KCNN3: variants seen among roughly 807,000 people sequenced by gnomAD.
The protein encoded by KCNN3 is small conductance calcium-activated potassium channel protein 3.
KCNN3 carries 16 observed loss-of-function variants against 62.9 expected under a neutral mutation model. The observed-to-expected ratio is 0.25, with a 90% CI of 0.17 to 0.39. The LOEUF (loss-of-function observed/expected upper bound fraction) is 0.39. Ranked by LOEUF, KCNN3 falls within the 10% of genes least tolerant of loss-of-function variation. KCNN3 has a pLI of 1.00. For missense variants in KCNN3, 599 were observed against 949.4 expected, an observed-to-expected ratio of 0.63 and a Z score of 4.85; for synonymous variants, 370 against 389.2, an observed-to-expected ratio of 0.95 and a Z score of 0.58.
At chr1:154,847,159 G>A (rs1436917138) in intron 1 of KCNN3, among the ~76,000 whole-genome samples, 8 of 151,870 alleles carry the variant, frequency 5.3e-5, no homozygotes, top group Non-Finnish European at 1.0e-4. Context: ...TGCCAGGCAC[G>A]TGCTGCTGCT....
intron 2 of KCNN3, among the ~76,000 whole-genome samples, chr1:154,800,997 A>G (rs942811155): frequency 1.3e-5 from 2 of 152,180 alleles, no homozygotes; most frequent in Non-Finnish European, 2.9e-5. Context: ...GTGAGCCAAG[A>G]TGGTGCCACT....
chr1:154,775,565 G>A (rs1349913249), intron 2 of KCNN3, among the ~76,000 whole-genome samples: 2 of 136,652 alleles, frequency 1.5e-5, no homozygotes, highest in Non-Finnish European at 1.5e-5. Context: ...TGAGCAGCCA[G>A]CCCCCCACCC....
At chr1:154,777,123 C>CA (rs1648823195) in intron 2 of KCNN3, among the ~76,000 whole-genome samples, 1 of 152,196 alleles carries the variant, frequency 6.6e-6, no homozygotes, top group South Asian at 2.1e-4. Flanking sequence ...CTCTTGGGCT[C>CA]AGCGTCCTCC....
chr1:154,780,157 G>A (rs555889422), intron 2 of KCNN3, among the ~76,000 whole-genome samples: 2 of 150,902 alleles, frequency 1.3e-5, no homozygotes, highest in South Asian at 2.1e-4. Context: ...CTGCAAAGGG[G>A]TAGGCATGCA....
chr1:154,867,022 G>A (rs1652983348), intron 1 of KCNN3, among the ~76,000 whole-genome samples: 1 of 152,182 alleles, frequency 6.6e-6, no homozygotes, highest in Admixed American at 6.5e-5. Context: ...GGGAATAGCC[G>A]TTTCCTTAAG....
intron 3 of KCNN3, among the ~76,000 whole-genome samples, chr1:154,767,637 G>A (rs1184047308): frequency 1.3e-5 from 2 of 152,218 alleles, no homozygotes; most frequent in Admixed American, 1.3e-4. Flanking sequence ...AAGCTGCTTG[G>A]CACTTGACAG....
chr1:154,825,465 A>T (rs1414054491), intron 1 of KCNN3, among the ~76,000 whole-genome samples: 1 of 146,296 alleles, frequency 6.8e-6, no homozygotes, highest in Non-Finnish European at 1.5e-5. Context: ...TGCCGGGTTC[A>T]TGCCATTCTC....
chr1:154,815,872 C>T (rs1650642931), intron 2 of KCNN3, among the ~76,000 whole-genome samples: 1 of 152,162 alleles, frequency 6.6e-6, no homozygotes, highest in African/African-American at 2.4e-5. Context: ...GGGGAAGACA[C>T]CACTAACTCA....
At chr1:154,724,870 T>G (rs1700427587) in intron 5 of KCNN3, among the ~76,000 whole-genome samples, 1 of 151,964 alleles carries the variant, frequency 6.6e-6, no homozygotes. Flanking sequence ...TTTTTTTTTT[T>G]TTTTGAGATG....
intron 1 of KCNN3, 112 bp downstream of exon 1, chr1:154,868,919 TC>T: frequency 1.9e-6 from 2 of 1,057,164 alleles, no homozygotes. Flanking sequence ...TCTCTCTCTC[TC>T]TCTCTCTCTC....
chr1:154,708,850 G>A (rs983398176), intron 7 of KCNN3, among the ~76,000 whole-genome samples: 1 of 152,202 alleles, frequency 6.6e-6, no homozygotes, highest in Non-Finnish European at 1.5e-5. Flanking sequence ...CAGACAGGAT[G>A]TAAAGTGAAT....
intron 2 of KCNN3, among the ~76,000 whole-genome samples, chr1:154,782,988 G>C (rs947523748): frequency 6.6e-6 from 1 of 152,156 alleles, no homozygotes; most frequent in African/African-American, 2.4e-5. Context: ...CGAGGCGGGC[G>C]GATCATGAGG....
At chr1:154,752,039 A>G (rs1157278590) in intron 3 of KCNN3, among the ~76,000 whole-genome samples, 1 of 152,222 alleles carries the variant, frequency 6.6e-6, no homozygotes, top group Non-Finnish European at 1.5e-5. Flanking sequence ...AGACAGAGAG[A>G]GGAGGCATGG....
intron 2 of KCNN3, among the ~76,000 whole-genome samples, chr1:154,774,354 C>T (rs1265092084): frequency 6.6e-6 from 1 of 152,206 alleles, no homozygotes; most frequent in Non-Finnish European, 1.5e-5. Context: ...GTGTGTCCAG[C>T]CTTTGTCTTC....
chr1:154,721,992 C>T (rs1054673850), intron 5 of KCNN3, among the ~76,000 whole-genome samples: 2 of 151,652 alleles, frequency 1.3e-5, no homozygotes, highest in Non-Finnish European at 2.9e-5. Context: ...ATAAGTCATA[C>T]GAGGAAAGAA....
At chr1:154,737,292 C>T (rs1355104684) in intron 3 of KCNN3, among the ~76,000 whole-genome samples, 3 of 151,880 alleles carry the variant, frequency 2.0e-5, no homozygotes, top group South Asian at 2.1e-4. Flanking sequence ...GTAGTTATTA[C>T]AGTTACTGAT....
At chr1:154,819,293 G>A (rs57453542) in intron 2 of KCNN3, among the ~76,000 whole-genome samples, 1,612 of 152,240 alleles carry the variant, frequency 0.011, 24 homozygotes, top group African/African-American at 0.038. Context: ...ACTGAGGCCC[G>A]AGACCAAAAA....
chr1:154,755,814 GCA>G (rs1301526870), intron 3 of KCNN3, among the ~76,000 whole-genome samples: 15 of 128,976 alleles, frequency 1.2e-4, no homozygotes, highest in East Asian at 5.2e-4. Context: ...GAAGAAGAAG[GCA>G]AAGAAGAAGA....
intron 1 of KCNN3, among the ~76,000 whole-genome samples, chr1:154,854,607 C>G (rs1392661722): frequency 6.6e-6 from 1 of 152,116 alleles, no homozygotes; most frequent in African/African-American, 2.4e-5. Context: ...AGATTTTTCT[C>G]TTTTGTGGGT....
Sources: gnomAD v4.1 joint callset for allele counts (sites outside exome capture counted in the v4.1 genomes callset) on GRCh38, gnomAD v4.1.1 for gene constraint, MANE v1.5 for transcripts, NCBI Gene and HGNC (gene_info 2026-07-23, HGNC 2026-07-21) for gene names.